PLCH2: variants seen among roughly 807,000 people sequenced by gnomAD.
The protein encoded by PLCH2 is 1-phosphatidylinositol 4,5-bisphosphate phosphodiesterase eta-2.
Under a neutral mutation model 134.7 loss-of-function variants are expected in PLCH2, and 98 were observed. The observed-to-expected ratio is 0.73, with a 90% CI of 0.62 to 0.86. The LOEUF (loss-of-function observed/expected upper bound fraction) is 0.86, where lower values mean the gene tolerates loss of function less well. Ranked by LOEUF, PLCH2 falls within the 40% of genes least tolerant of loss-of-function variation. The pLI is 0.00. For missense variants in PLCH2, 1,994 were observed against 1,986.6 expected (o/e 1.00, Z -0.07); for synonymous variants, 974 against 827.5 (o/e 1.18, Z -3.04).
chr1:2,419,818 C>T, the PLCH2 span, among the ~76,000 whole-genome samples: 1 of 152,094 alleles, frequency 6.6e-6, no homozygotes, highest in East Asian at 1.9e-4. Context: ...GGGGATTAAT[C>T]TGAAGCTGTC....
At position 2,445,887 on chromosome 1, in the gene PLCH2, C is replaced by A. The variant is rs115204631; in HGVS notation, c.115+15258C>A. Among the ~76,000 whole-genome samples the A allele has an allele frequency of 4.5e-3, 692 of 152,332 alleles. 5 individuals carry two copies. The highest frequency in any genetic ancestry group is 0.016 in the African/African-American group (647 of 41,574). Reference sequence around the variant, plus strand: ...AAGAGCTTCGGACCAATTTGTGTATCTTCTGTTACTCTGCGCCTAATAGGA... The same window carrying A: ...AAGAGCTTCGGACCAATTTGTGTATATTCTGTTACTCTGCGCCTAATAGGA... On this transcript the variant is annotated intron_variant, in intron 2 of 3. Transcript: ENST00000609981.
At chr1:2,485,499 C>T (rs559140792) in intron 5 of PLCH2, among the ~76,000 whole-genome samples, 10 of 152,262 alleles carry the variant, frequency 6.6e-5, no homozygotes. Context: ...CTTAGGGGAC[C>T]AAGATGCCTC....
intron 2 of PLCH2, among the ~76,000 whole-genome samples, chr1:2,447,211 C>A (rs769077432): frequency 1.3e-5 from 2 of 152,208 alleles, no homozygotes; most frequent in African/African-American, 2.4e-5. Context: ...AAACGAGCAA[C>A]CTGAGGGGCT....
At chr1:2,476,747 G>A in intron 1 of PLCH2, 35 bp downstream of exon 1, 8 of 1,557,028 alleles carry the variant, frequency 5.1e-6, no homozygotes, top group Non-Finnish European at 6.1e-6. Flanking sequence ...TGGGCTGAGT[G>A]CTGGCCCTGG....
At chr1:2,475,057 G>A (rs932573874), upstream of PLCH2, among the ~76,000 whole-genome samples, 1 of 152,168 alleles carries the variant, frequency 6.6e-6, no homozygotes, top group Non-Finnish European at 1.5e-5. Context: ...AGCCTGTGAC[G>A]GGGCCCCTGG....
At chr1:2,458,921 C>T (rs570310262) in intron 2 of PLCH2, among the ~76,000 whole-genome samples, 2 of 152,382 alleles carry the variant, frequency 1.3e-5, no homozygotes, top group South Asian at 4.1e-4. Context: ...GCCGTCTCTG[C>T]AAACGGGGGC....
Position 2,428,497 on chromosome 1 carries a change from C to T in PLCH2, c.-177-1841C>T, listed in dbSNP as rs985301504. Among the ~76,000 whole-genome samples the T allele has an allele frequency of 5.3e-5, 8 of 152,372 alleles. No homozygotes were observed. In the South Asian group the frequency reaches 1.4e-3, roughly 28 times the overall value. ...CCTGCATGGGGTCCTGCGTCTGGCT[C>T]GCCCGGTGCCGTGCTGTGGGGCCCA... On this transcript the variant is annotated intron_variant, in intron 1 of 3. Coordinates refer to the PLCH2 transcript ENST00000609981.
chr1:2,499,571 TG>T (rs1040686085), intron 19 of PLCH2, 69 bp from the exon 20 acceptor site: 19 of 1,170,526 alleles, frequency 1.6e-5, no homozygotes, highest in South Asian at 2.6e-5. Flanking sequence ...TTAAGTAGAA[TG>T]GGGGGCAGAG....
intron 20 of PLCH2, 96 bp downstream of exon 20, chr1:2,499,816 A>G: frequency 1.0e-6 from 1 of 982,704 alleles, no homozygotes. Context: ...TGGGTCCTGA[A>G]CTCAGGCAGT....
rs139582371 is a variant in PLCH2 at position 2,484,056 on chromosome 1, C to T, written c.646-392C>T. Reference sequence around the variant, plus strand: ...GTGGCGCTGACTCCCGTGTGGGTGGCGTTGGCTCCCGTGTGGGGGGTGTTG... The same window carrying T: ...GTGGCGCTGACTCCCGTGTGGGTGGTGTTGGCTCCCGTGTGGGGGGTGTTG... On this transcript the variant is annotated intron_variant, in intron 4 of 21. Coordinates refer to ENST00000378486, the MANE Select transcript of PLCH2 (RefSeq NM_014638.4). Among the ~76,000 whole-genome samples, 17 of 144,370 alleles carry T rather than the reference C, an allele frequency of 1.2e-4. 5 individuals are homozygous for T. Among genetic ancestry groups the T allele is most frequent in the African/African-American group, 3.9e-4 (15 of 38,906 alleles). The allele number at this position is 144,370 out of a possible 152,430, so 94.7% of individuals were successfully genotyped here.
rs776396701 is a variant in PLCH2 at position 2,504,136 on chromosome 1, G to A, written c.3174G>A (p.Pro1058=). 3.2e-5 allele frequency: 49 copies of A among 1,520,324 alleles called. No individual in the cohort carries two copies. The highest frequency in any genetic ancestry group is 4.9e-5 in the East Asian group (2 of 40,916). 94.2% of individuals were successfully genotyped at this position (1,520,324 alleles called of 1,614,324 possible). A position where few individuals can be genotyped will look rare whatever the true frequency, so the allele number is the denominator to read the frequency against. The change falls in exon 22 of 22, where the codon CCG becomes CCA. Residue 1058 remains proline (P), a synonymous_variant. Transcript: ENST00000378486. The part of the protein sequence containing the change: ...TEEPRDSRPR[P]CNGEGAGGAY... ...AGCCCCGAGACAGCAGGCCTCGGCC[G>A]TGCAACGGCGAGGGCGCCGGCGGGG...
rs149504593 is a variant in PLCH2, at chr1:2,499,688, G to A, written c.2629G>A (p.Val877Met). ...AGGGATGGAAGAGGCCTCCATCTTC[G>A]TGCATGTGGCTGTCAGTGACATCAG... ...LEGMEEASIF[V>M]HVAVSDISGK... The change falls in exon 20 of 22, where the codon GTG (valine) becomes ATG (methionine). Residue 877 changes from valine (V) to methionine (M), a missense_variant. By Grantham distance (21) the Val-to-Met change is conservative. Around this residue, in one of 2 missense-constraint regions of PLCH2, gnomAD observed 1,094 missense variants for 1,234.3 expected, o/e 0.89. Transcript: ENST00000378486. 19 of 1,598,070 alleles carry A rather than the reference G, an allele frequency of 1.2e-5. No homozygotes were observed. The highest frequency in any genetic ancestry group is 2.7e-5 in the African/African-American group (2 of 74,540).
At chr1:2,436,929 C>G (rs1162810485) in intron 2 of PLCH2, among the ~76,000 whole-genome samples, 1 of 152,224 alleles carries the variant, frequency 6.6e-6, no homozygotes, top group Non-Finnish European at 1.5e-5. Context: ...CCAGCTGAGG[C>G]CTCCTGGGGA....
At chr1:2,481,878 G>A (rs1225244544) in intron 4 of PLCH2, among the ~76,000 whole-genome samples, 1 of 152,258 alleles carries the variant, frequency 6.6e-6, no homozygotes, top group African/African-American at 2.4e-5. Context: ...CAGGCTGGAG[G>A]GGCTCTGAGA....
At chr1:2,497,085 G>A in intron 15 of PLCH2, 75 bp downstream of exon 15, 2 of 1,446,176 alleles carry the variant, frequency 1.4e-6, no homozygotes, top group Non-Finnish European at 1.9e-6. Flanking sequence ...CAAGGGGCGA[G>A]CAGGGGACCC....
chr1:2,456,875 C>T (rs115334054), intron 2 of PLCH2, among the ~76,000 whole-genome samples: 3,490 of 152,262 alleles, frequency 0.023, 134 homozygotes, highest in African/African-American at 0.079. Context: ...GGTCTCACAG[C>T]CACAAGGGGC....
chr1:2,504,854 A>C lies in PLCH2; in HGVS notation c.3892A>C (p.Thr1298Pro). 6.2e-7 allele frequency: 1 copy of C among 1,601,030 alleles called. No homozygotes were observed. The highest frequency in any genetic ancestry group is 8.5e-7 in the Non-Finnish European group (1 of 1,174,160). Residue 1298 changes from threonine (T) to proline (P), a missense_variant, in exon 22 of 22, where the codon ACC becomes CCC. Thr to Pro is a conservative substitution (Grantham distance 38, BLOSUM62 -1). Transcript: ENST00000378486. ...RVSGPGVRRD[T>P]LTEQLRWLTV... ...GTCGGGGCCAGGGGTGAGACGGGACACCCTGACAGAGCAGCTGCGCTGGCT... is the reference window on the plus strand; with the variant it reads ...GTCGGGGCCAGGGGTGAGACGGGACCCCCTGACAGAGCAGCTGCGCTGGCT...
Position 2,436,013 on chromosome 1 carries a change from C to T in PLCH2, c.115+5384C>T, listed in dbSNP as rs574747888. On this transcript the variant is annotated intron_variant, in intron 2 of 3. Coordinates refer to the PLCH2 transcript ENST00000609981. The stretch of plus-strand genomic sequence containing the variant: ...CCCCTCCTCCCTTCCTCCCGCTTCC[C>T]TCCTCTCTCCTCCCTCCTCCCCTCC... 7.1e-5 allele frequency among the ~76,000 whole-genome samples: 7 copies of T among 97,988 alleles called. No homozygotes were observed. In the East Asian group the frequency reaches 1.9e-3, roughly 27 times the overall value. The allele number at this position is 97,988 out of a possible 152,430, so 64.3% of individuals were successfully genotyped here. A position where few individuals can be genotyped will look rare whatever the true frequency, so the allele number is the denominator to read the frequency against.
chr1:2,474,536 G>A (rs1337466950), upstream of PLCH2, among the ~76,000 whole-genome samples: 1 of 151,756 alleles, frequency 6.6e-6, no homozygotes, highest in Non-Finnish European at 1.5e-5. Context: ...GCTCCTCTCA[G>A]AACCCCTGCC....
Sources: allele counts gnomAD v4.1 joint callset (sites outside exome capture counted in the v4.1 genomes callset), GRCh38; gene constraint gnomAD v4.1.1; regional missense constraint gnomAD v4.1.1; transcripts MANE v1.5; gene names NCBI Gene and HGNC (gene_info 2026-07-23, HGNC 2026-07-21).